XYLT1: variants seen among roughly 807,000 people sequenced by gnomAD.
XYLT1 encodes the protein xylosyltransferase 1, also known as beta-D-xylosyltransferase 1.
In XYLT1, 36 loss-of-function variants were observed where a neutral mutation model predicts 91.3. That is an observed-to-expected ratio of 0.39 (90% CI 0.30 to 0.52). XYLT1 has a LOEUF of 0.52. Among genes scored for constraint, XYLT1 ranks in the 20% least tolerant of loss-of-function variants. The pLI, the probability that XYLT1 is intolerant of heterozygous loss-of-function variation, is 0.68. For missense variants in XYLT1, 1,242 were observed against 1,284.5 expected (o/e 0.97, Z 0.51); for synonymous variants, 588 against 532.0 (o/e 1.11, Z -1.45).
chr16:17,190,469 G>A (rs931744561), intron 5 of XYLT1, among the ~76,000 whole-genome samples: 134 of 96,468 alleles, frequency 1.4e-3, no homozygotes, highest in African/African-American at 5.6e-3. Context: ...AACAGTCCCC[G>A]GTGTGTGATG....
At chr16:17,295,478 C>A (rs143995129) in intron 2 of XYLT1, among the ~76,000 whole-genome samples, 396 of 152,220 alleles carry the variant, frequency 2.6e-3, no homozygotes, top group African/African-American at 8.8e-3. Flanking sequence ...ACCTCAGCTT[C>A]CAGAGTAGCC....
chr16:17,267,024 A>C (rs2033817499), intron 2 of XYLT1, among the ~76,000 whole-genome samples: 1 of 152,232 alleles, frequency 6.6e-6, no homozygotes. Context: ...CGCTGGACGC[A>C]GGCAGGCCCT....
intron 1 of XYLT1, among the ~76,000 whole-genome samples, chr16:17,415,189 C>G (rs1302380070): frequency 6.6e-6 from 1 of 152,100 alleles, no homozygotes; most frequent in African/African-American, 2.4e-5. Context: ...ATTTCTGACT[C>G]CAAAAACTCT....
At chr16:17,321,344 T>A (rs2034717479) in intron 2 of XYLT1, among the ~76,000 whole-genome samples, 1 of 19,610 alleles carries the variant, frequency 5.1e-5, no homozygotes. Context: ...TAACTAGCCT[T>A]TTTTTTTTTT....
intron 2 of XYLT1, among the ~76,000 whole-genome samples, chr16:17,286,553 T>C (rs563145485): frequency 6.6e-6 from 1 of 152,230 alleles, no homozygotes; most frequent in African/African-American, 2.4e-5. Flanking sequence ...TAAAATTGTA[T>C]GTAAAACTGG....
chr16:17,139,365 A>G (rs369548858), intron 7 of XYLT1, among the ~76,000 whole-genome samples: 4 of 152,268 alleles, frequency 2.6e-5, no homozygotes, highest in African/African-American at 9.6e-5. Flanking sequence ...AAGGGAGGGA[A>G]GGCAGAGATG....
At chr16:17,138,143 T>C (rs1416084274) in intron 8 of XYLT1, 3 of 512,756 alleles carry the variant, frequency 5.9e-6, no homozygotes, top group African/African-American at 5.6e-5. Flanking sequence ...TTTGTTGTTT[T>C]TGGGTTAATG....
In XYLT1 at chr16:17,313,688, TA is replaced by T. The variant is rs5815938; in HGVS notation, c.402+44323del. Among the ~76,000 whole-genome samples, 288 of 142,796 alleles carry T rather than the reference TA, an allele frequency of 2.0e-3. 1 individual carries two copies. Among genetic ancestry groups the T allele is most frequent in the East Asian group, 3.9e-3 (19 of 4,878 alleles). The allele number at this position is 142,796 out of a possible 152,430, so 93.7% of individuals were successfully genotyped here. On this transcript the variant is annotated intron_variant, in intron 2 of 11. Coordinates refer to ENST00000261381, the MANE Select transcript of XYLT1 (RefSeq NM_022166.4). ...TTAGAGGGGAAAACATCCAAACCAT[TA>T]AAAAAAAAAAAAAGTTCATAGGAAT...
chr16:17,136,548 A>G (rs959832), intron 8 of XYLT1, among the ~76,000 whole-genome samples: 101,355 of 151,984 alleles, frequency 0.67, 34,471 homozygotes, highest in Non-Finnish European at 0.71. Context: ...GGTTACTAGC[A>G]TAGTGTCTAG....
chr16:17,274,474 T>C (rs1351989330), intron 2 of XYLT1, among the ~76,000 whole-genome samples: 1 of 152,154 alleles, frequency 6.6e-6, no homozygotes, highest in Non-Finnish European at 1.5e-5. Context: ...GGGAAAAGGA[T>C]ATAGGAAGGG....
At chr16:17,440,995 T>C (rs949360627) in intron 1 of XYLT1, among the ~76,000 whole-genome samples, 1 of 152,084 alleles carries the variant, frequency 6.6e-6, no homozygotes, top group Non-Finnish European at 1.5e-5. Context: ...CTGAATGAGA[T>C]AATATAGTTA....
At chr16:17,409,061 G>GA (rs1161857134) in intron 1 of XYLT1, among the ~76,000 whole-genome samples, 2 of 151,750 alleles carry the variant, frequency 1.3e-5, no homozygotes, top group Non-Finnish European at 2.9e-5. Context: ...TTAGTCAGGG[G>GA]AAAAAAGATG....
intron 2 of XYLT1, among the ~76,000 whole-genome samples, chr16:17,343,740 A>G (rs1374346240): frequency 6.6e-6 from 1 of 152,202 alleles, no homozygotes; most frequent in Non-Finnish European, 1.5e-5. Flanking sequence ...AAGTGTTGGC[A>G]TTACAGGCAT....
At chr16:17,336,053 TAAAGGAAGAAGAGG>T (rs1362265252) in intron 2 of XYLT1, among the ~76,000 whole-genome samples, 1 of 152,094 alleles carries the variant, frequency 6.6e-6, no homozygotes, top group Non-Finnish European at 1.5e-5. Flanking sequence ...CAAGACTTTG[TAAAGGAAGAAGAGG>T]AAAGGTGTCC....
At chr16:17,373,973 A>C (rs1408660405) in intron 1 of XYLT1, among the ~76,000 whole-genome samples, 3 of 152,238 alleles carry the variant, frequency 2.0e-5, no homozygotes, top group African/African-American at 7.2e-5. Flanking sequence ...TTGGTGATTT[A>C]GTTAGATTTG....
chr16:17,340,472 G>A (rs7499984), intron 2 of XYLT1, among the ~76,000 whole-genome samples: 81,924 of 152,036 alleles, frequency 0.54, 22,782 homozygotes, highest in Admixed American at 0.64. Flanking sequence ...GAACATTTTG[G>A]TTTTCTGCTT....
intron 2 of XYLT1, among the ~76,000 whole-genome samples, chr16:17,337,967 G>A (rs547149776): frequency 9.2e-4 from 139 of 151,864 alleles, no homozygotes; most frequent in Non-Finnish European, 1.3e-3. Context: ...AGTAGAAACG[G>A]GGTTTCGCCA....
At chr16:17,411,642 G>T (rs1158373649) in intron 1 of XYLT1, among the ~76,000 whole-genome samples, 2 of 152,164 alleles carry the variant, frequency 1.3e-5, no homozygotes, top group African/African-American at 4.8e-5. Flanking sequence ...GAGTTTGGGG[G>T]TCACTGATCA....
chr16:17,220,229 C>G (rs1182704219), intron 3 of XYLT1, among the ~76,000 whole-genome samples: 1 of 152,122 alleles, frequency 6.6e-6, no homozygotes, highest in Non-Finnish European at 1.5e-5. Context: ...GTAAACCTAA[C>G]AGATGATACT....
Sources: allele counts gnomAD v4.1 joint callset (sites outside exome capture counted in the v4.1 genomes callset), GRCh38; gene constraint gnomAD v4.1.1; transcripts MANE v1.5; gene names NCBI Gene and HGNC (gene_info 2026-07-23, HGNC 2026-07-21).